KCNB2: variants seen among roughly 807,000 people sequenced by gnomAD.
KCNB2 encodes the protein delayed rectifier potassium channel protein.
KCNB2 carries 15 observed loss-of-function variants against 61.5 expected under a neutral mutation model. That is an observed-to-expected ratio of 0.24 (90% CI 0.16 to 0.38). The LOEUF (loss-of-function observed/expected upper bound fraction) is 0.38. Ranked by LOEUF, KCNB2 falls within the 10% of genes least tolerant of loss-of-function variation. KCNB2 has a pLI of 1.00. For synonymous variants in KCNB2, 457 were observed against 446.0 expected, an observed-to-expected ratio of 1.02 and a Z score of -0.31; for missense variants, 828 against 1,125.2, an observed-to-expected ratio of 0.74 and a Z score of 3.78.
At chr8:72,703,546 C>T (rs906972867) in intron 2 of KCNB2, among the ~76,000 whole-genome samples, 13 of 152,182 alleles carry the variant, frequency 8.5e-5, no homozygotes, top group Non-Finnish European at 1.3e-4. Flanking sequence ...CCATGATCTT[C>T]GACCAAGTAG....
At chr8:72,694,266 C>T (rs1353061467) in intron 2 of KCNB2, among the ~76,000 whole-genome samples, 1 of 152,132 alleles carries the variant, frequency 6.6e-6, no homozygotes, top group Non-Finnish European at 1.5e-5. Context: ...CTTTTAGAGG[C>T]AAATCAGTGA....
At chr8:72,801,899 C>T (rs1283015902) in intron 2 of KCNB2, among the ~76,000 whole-genome samples, 1 of 151,990 alleles carries the variant, frequency 6.6e-6, no homozygotes, top group Admixed American at 6.6e-5. Context: ...TTTGCTACAA[C>T]AAATGTAGAA....
chr8:72,756,493 G>T (rs1243342974), intron 2 of KCNB2, among the ~76,000 whole-genome samples: 1 of 152,170 alleles, frequency 6.6e-6, no homozygotes, highest in African/African-American at 2.4e-5. Context: ...CACCTATGGA[G>T]TTTTTAAAAT....
intron 2 of KCNB2, among the ~76,000 whole-genome samples, chr8:72,905,584 G>A (rs376394735): frequency 1.2e-4 from 18 of 152,256 alleles, no homozygotes; most frequent in South Asian, 4.1e-4. Context: ...CGGTGCAGCC[G>A]ACTGCAGTCC....
intron 2 of KCNB2, among the ~76,000 whole-genome samples, chr8:72,647,348 A>G (rs941598896): frequency 6.6e-6 from 1 of 152,000 alleles, no homozygotes; most frequent in South Asian, 2.1e-4. Context: ...AATTTTTAGC[A>G]TTGTTTTTCC....
At chr8:72,788,768 T>G (rs1808885709) in intron 2 of KCNB2, among the ~76,000 whole-genome samples, 2 of 152,096 alleles carry the variant, frequency 1.3e-5, no homozygotes, top group African/African-American at 4.8e-5. Flanking sequence ...ATTACGTAAT[T>G]TCCTTCTTTC....
intron 2 of KCNB2, among the ~76,000 whole-genome samples, chr8:72,786,455 G>C (rs541405321): frequency 6.3e-4 from 96 of 152,184 alleles, no homozygotes; most frequent in Admixed American, 3.8e-3. Context: ...CTGTGTATTT[G>C]ATTTTCAAAC....
chr8:72,617,536 T>TA (rs1309699385), intron 2 of KCNB2, among the ~76,000 whole-genome samples: 1 of 151,184 alleles, frequency 6.6e-6, no homozygotes, highest in Non-Finnish European at 1.5e-5. Flanking sequence ...GGTCCTCACT[T>TA]ATTCAACGTG....
At chr8:72,861,630 A>C (rs1585938664) in intron 2 of KCNB2, among the ~76,000 whole-genome samples, 1 of 152,162 alleles carries the variant, frequency 6.6e-6, no homozygotes, top group Admixed American at 6.5e-5. Context: ...TGGGCCGCTC[A>C]CCCAGCCTGC....
intron 2 of KCNB2, among the ~76,000 whole-genome samples, chr8:72,711,855 G>T (rs1163045687): frequency 2.6e-5 from 4 of 152,160 alleles, no homozygotes. Context: ...AGCCAGGCTT[G>T]GTTGCAGGCA....
chr8:72,856,453 A>C (rs1347499283), intron 2 of KCNB2, among the ~76,000 whole-genome samples: 1 of 152,092 alleles, frequency 6.6e-6, no homozygotes, highest in Non-Finnish European at 1.5e-5. Context: ...AAAAGAAAAA[A>C]CCTGAAACTA....
At chr8:72,817,714 G>A (rs1227455427) in intron 2 of KCNB2, among the ~76,000 whole-genome samples, 1 of 152,106 alleles carries the variant, frequency 6.6e-6, no homozygotes, top group Non-Finnish European at 1.5e-5. Context: ...TGGGTGAGTT[G>A]CCTAACCTGC....
chr8:72,870,205 G>A (rs939983023), intron 2 of KCNB2, among the ~76,000 whole-genome samples: 1 of 152,084 alleles, frequency 6.6e-6, no homozygotes, highest in Non-Finnish European at 1.5e-5. Flanking sequence ...GAAATGGGGG[G>A]TTGCTGTTCA....
chr8:72,795,162 A>G (rs1035152403), intron 2 of KCNB2, among the ~76,000 whole-genome samples: 1 of 152,256 alleles, frequency 6.6e-6, no homozygotes, highest in Non-Finnish European at 1.5e-5. Context: ...CCAGACAAAA[A>G]AAGCATATGG....
At chr8:72,867,225 A>G (rs1805535348) in intron 2 of KCNB2, among the ~76,000 whole-genome samples, 1 of 152,252 alleles carries the variant, frequency 6.6e-6, no homozygotes, top group Non-Finnish European at 1.5e-5. Context: ...TATGTCACCA[A>G]ATACCATATT....
intron 2 of KCNB2, among the ~76,000 whole-genome samples, chr8:72,771,361 A>G (rs968845237): frequency 6.6e-6 from 1 of 152,122 alleles, no homozygotes; most frequent in East Asian, 1.9e-4. Flanking sequence ...TCCTTTTTAT[A>G]TATTTTTTAT....
intron 2 of KCNB2, among the ~76,000 whole-genome samples, chr8:72,803,217 C>T (rs777362261): frequency 3.9e-5 from 6 of 152,126 alleles, no homozygotes; most frequent in Admixed American, 6.5e-5. Flanking sequence ...ATTGCTGACC[C>T]GGGCTGGACC....
intron 2 of KCNB2, among the ~76,000 whole-genome samples, chr8:72,909,377 T>A (rs527260499): frequency 6.6e-6 from 1 of 151,958 alleles, no homozygotes; most frequent in Non-Finnish European, 1.5e-5. Context: ...GAACATTGCA[T>A]GTGAGAGGAA....
chr8:72,591,551 G>A (rs984212640), intron 2 of KCNB2, among the ~76,000 whole-genome samples: 2 of 152,062 alleles, frequency 1.3e-5, no homozygotes, highest in African/African-American at 4.8e-5. Flanking sequence ...GATGTGTTTA[G>A]GTATCAGTGT....
Sources: allele counts gnomAD v4.1 joint callset (sites outside exome capture counted in the v4.1 genomes callset), GRCh38; gene constraint gnomAD v4.1.1; transcripts MANE v1.5; gene names NCBI Gene and HGNC (gene_info 2026-07-23, HGNC 2026-07-21).